The following GNAT2 variants were observed in gnomAD, a reference collection of about 807,000 sequenced individuals.
GNAT2 encodes the protein G protein subunit alpha transducin 2.
GNAT2 carries 32 observed loss-of-function variants against 40.9 expected under a neutral mutation model. That is an observed-to-expected ratio of 0.78 (90% CI 0.59 to 1.05). GNAT2 has a LOEUF of 1.05. Ranked by LOEUF, GNAT2 falls within the 50% of genes least tolerant of loss-of-function variation. GNAT2 has a pLI of 0.00. For synonymous variants in GNAT2, 141 were observed against 157.2 expected (o/e 0.90, Z 0.77); for missense variants, 355 against 431.5 (o/e 0.82, Z 1.57).
At position 109,604,015 on chromosome 1, in the gene GNAT2, C is replaced by A; in HGVS notation, c.810G>T (p.Lys270Asn). ...AATSIVLFLNKKDLFEEKIKK... is the reference protein window; with the variant it reads ...AATSIVLFLNNKDLFEEKIKK... ...TGATTTTTTCCTCAAAGAGGTCCTT[C>A]TTGTTGAGAAAGAGGACAATGGAAG... The change falls in exon 8 of 9, where the codon AAG becomes AAT. Residue 270 changes from lysine to asparagine, a missense_variant. Transcript: ENST00000679935. 1 of 1,609,232 alleles carries A rather than the reference C, an allele frequency of 6.2e-7. No individual in the cohort carries two copies. The highest frequency in any genetic ancestry group is 8.5e-7 in the Non-Finnish European group (1 of 1,175,626).
chr1:109,608,840 G>A (rs1488264250), intron 4 of GNAT2, 52 bp from the exon 5 acceptor site: 1 of 1,446,674 alleles, frequency 6.9e-7, no homozygotes, highest in East Asian at 2.3e-5. Context: ...AGCTTTCCAG[G>A]AGGCTTCTGG....
intron 7 of GNAT2, chr1:109,604,525 C>T (rs1047117165): frequency 1.9e-5 from 4 of 210,316 alleles, no homozygotes; most frequent in Non-Finnish European, 2.9e-5. Flanking sequence ...TTAGCATGTG[C>T]CCATATGCAT....
In GNAT2 at chr1:109,610,464, C is replaced by T. The variant is rs140603860; in HGVS notation, c.161+1G>A. On this transcript the variant is annotated splice_donor_variant, in intron 3 of 8. Transcript: ENST00000679935. LOFTEE classifies it high-confidence loss of function. Reference sequence around the variant, plus strand: ...TCTTTTGGGGCTTTGTTTCTACTCACTTCATCTGTTTGACGATGGTGCTCT... The same window carrying T: ...TCTTTTGGGGCTTTGTTTCTACTCATTTCATCTGTTTGACGATGGTGCTCT... The T allele has an allele frequency of 1.2e-5, 19 of 1,613,508 alleles. No individual in the cohort carries two copies. Among genetic ancestry groups the T allele is most frequent in the Admixed American group, 1.7e-5 (1 of 60,008 alleles).
chr1:109,608,756 G>C lies in GNAT2; in HGVS notation c.336C>G (p.Asp112Glu). The change falls in exon 5 of 9, where the codon GAC (aspartate) becomes GAG (glutamate). Residue 112 changes from aspartate to glutamate, a missense_variant. Coordinates refer to ENST00000679935, the MANE Select transcript of GNAT2 (RefSeq NM_001377295.2). ...GAGGCATGGTTCCCTCCTCAATGGA[G>C]TCAGCCAGGTTGTTGAGCTGTCGCC... ...DDGRQLNNLADSIEEGTMPPE... is the reference protein window; with the variant it reads ...DDGRQLNNLAESIEEGTMPPE... The C allele has an allele frequency of 6.2e-7, 1 of 1,614,074 alleles. No homozygotes were observed. The highest frequency in any genetic ancestry group is 1.1e-5 in the South Asian group (1 of 91,078).
intron 7 of GNAT2, chr1:109,605,713 T>G (rs1649571607): frequency 6.7e-6 from 3 of 448,616 alleles, no homozygotes; most frequent in Non-Finnish European, 8.3e-6. Flanking sequence ...ATGAGCTTTG[T>G]GATGTCCAAG....
intron 1 of GNAT2, among the ~76,000 whole-genome samples, chr1:109,618,517 C>G (rs1311769423): frequency 6.6e-6 from 1 of 152,056 alleles, no homozygotes; most frequent in African/African-American, 2.4e-5. Context: ...TAATAAGAAC[C>G]TTTTTGAAAA....
intron 7 of GNAT2, chr1:109,604,643 A>ACCACAAGCATTTCTGCTCTCTCATTT (rs1553226488): frequency 4.9e-5 from 8 of 164,796 alleles, no homozygotes; most frequent in Non-Finnish European, 1.1e-4. Context: ...CCAGTGCCAT[A>ACCACAAGCATTTCTGCTCTCTCATTT]CCACAAGCAT....
At chr1:109,609,012 C>T (rs1404468487) in intron 4 of GNAT2, 8 of 581,126 alleles carry the variant, frequency 1.4e-5, no homozygotes, top group East Asian at 1.2e-4. Flanking sequence ...GTGTCTAAAG[C>T]GGGGCAGGGG....
chr1:109,610,670 G>C, intron 2 of GNAT2, 163 bp from the exon 3 acceptor site: 1 of 695,006 alleles, frequency 1.4e-6, no homozygotes, highest in South Asian at 1.5e-5. Flanking sequence ...TTGAGCTCAG[G>C]CCATTCAACC....
Position 109,603,984 on chromosome 1 carries a change from C to T in GNAT2, c.841G>A (p.Val281Ile). 6.2e-7 allele frequency: 1 copy of T among 1,611,126 alleles called. No individual in the cohort carries two copies. Among genetic ancestry groups the T allele is most frequent in the Non-Finnish European group, 8.5e-7 (1 of 1,177,382 alleles). Residue 281 changes from valine (V) to isoleucine (I), a missense_variant, in exon 8 of 9, where the codon GTC becomes ATC. Transcript: ENST00000679935. ...KDLFEEKIKK[V>I]HLSICFPEYD... ...TCTGGAAAACAAATGCTGAGATGGACTTTCTTGATTTTTTCCTCAAAGAGG... is the reference window on the plus strand; with the variant it reads ...TCTGGAAAACAAATGCTGAGATGGATTTTCTTGATTTTTTCCTCAAAGAGG...
At chr1:109,618,349 A>G (rs1026965090) in intron 1 of GNAT2, 2 of 152,248 alleles carry the variant, frequency 1.3e-5, no homozygotes, top group African/African-American at 2.4e-5. Flanking sequence ...ATTTCATGGT[A>G]TGAATATTAC....
chr1:109,603,254 T>A lies in GNAT2; in HGVS notation c.*100A>T. 5 of 734,060 alleles carry A rather than the reference T, an allele frequency of 6.8e-6. No homozygotes were observed. The Admixed American group carries it at 7.9e-5, about 12-fold the overall frequency. 45.5% of individuals were successfully genotyped at this position (734,060 alleles called of 1,614,324 possible). ...GTATACTCCATCTCCAAAGAATGGATTCATTCTTCATGTCATGGTATATTG... is the reference window on the plus strand; with the variant it reads ...GTATACTCCATCTCCAAAGAATGGAATCATTCTTCATGTCATGGTATATTG... On this transcript the variant is annotated 3_prime_UTR_variant, in exon 9 of 9. Transcript: ENST00000679935.
chr1:109,610,395 T>C, intron 3 of GNAT2, 70 bp downstream of exon 3: 2 of 1,478,566 alleles, frequency 1.4e-6, no homozygotes, highest in Non-Finnish European at 1.9e-6. Flanking sequence ...GCCTTTCACT[T>C]TGAATACCTC....
At chr1:109,606,509 C>G (rs1649603547) in intron 5 of GNAT2, 73 bp from the exon 6 acceptor site, 1 of 1,255,664 alleles carries the variant, frequency 8.0e-7, no homozygotes, top group African/African-American at 1.5e-5. Flanking sequence ...GGTATCTTAC[C>G]CAAAGTCACA....
At chr1:109,613,205 G>A in intron 1 of GNAT2, 1 of 358,022 alleles carries the variant, frequency 2.8e-6, no homozygotes, top group Non-Finnish European at 5.4e-6. Flanking sequence ...GAAATGATCT[G>A]CTGGGTTCTG....
intron 1 of GNAT2, among the ~76,000 whole-genome samples, chr1:109,618,907 T>C (rs1246701846): frequency 6.6e-6 from 1 of 152,100 alleles, no homozygotes; most frequent in East Asian, 1.9e-4. Flanking sequence ...TTGGGAAGGA[T>C]CTCTGCTGTG....
Position 109,610,355 on chromosome 1 carries a change from C to A in GNAT2, c.161+110G>T. 4.8e-6 allele frequency: 6 copies of A among 1,244,922 alleles called. No homozygotes were observed. The South Asian group carries it at 4.8e-5, about 10-fold the overall frequency. The allele number at this position is 1,244,922 out of a possible 1,614,324, so 77.1% of individuals were successfully genotyped here. ...AGATGAGGGGCATTGGAATCAGATC[C>A]TTTATACCTGGGCTCCTTGAGGCTA... On this transcript the variant is annotated intron_variant, in intron 3 of 8. Transcript: ENST00000679935.
At chr1:109,613,611 A>G (rs1450053507) in intron 1 of GNAT2, 2 of 153,006 alleles carry the variant, frequency 1.3e-5, no homozygotes, top group Non-Finnish European at 2.9e-5. Context: ...CTTTTCCCTC[A>G]CTGCATTTCT....
Position 109,612,923 on chromosome 1 carries a change from C to G in GNAT2, c.-53G>C. On this transcript the variant is annotated splice_region_variant and 5_prime_UTR_variant, in exon 2 of 9. Coordinates refer to ENST00000679935, the MANE Select transcript of GNAT2 (RefSeq NM_001377295.2). The stretch of plus-strand genomic sequence containing the variant: ...CCCCTAATCCTCTCTCGTAAGGTTT[C>G]CTGTATGTGAGATGGAAGAGAAGGA... 1.7e-6 allele frequency: 2 copies of G among 1,191,002 alleles called. No individual in the cohort carries two copies. Among genetic ancestry groups the G allele is most frequent in the South Asian group, 2.4e-5 (2 of 82,726 alleles). The allele number at this position is 1,191,002 out of a possible 1,614,324, so 73.8% of individuals were successfully genotyped here. A position where few individuals can be genotyped will look rare whatever the true frequency, so the allele number is the denominator to read the frequency against.
Sources: allele counts gnomAD v4.1 joint callset (sites outside exome capture counted in the v4.1 genomes callset), GRCh38; gene constraint gnomAD v4.1.1; transcripts MANE v1.5; gene names NCBI Gene and HGNC (gene_info 2026-07-23, HGNC 2026-07-21).